GRID2: variants seen among roughly 807,000 people sequenced by gnomAD.
GRID2 encodes glutamate ionotropic receptor delta type subunit 2.
In GRID2, 33 loss-of-function variants were observed where a neutral mutation model predicts 114.8. That is an observed-to-expected ratio of 0.29 (90% CI 0.22 to 0.38). The LOEUF (loss-of-function observed/expected upper bound fraction) is 0.38. Ranked by LOEUF, GRID2 falls within the 10% of genes least tolerant of loss-of-function variation. GRID2 has a pLI of 1.00. For synonymous variants in GRID2, 505 were observed against 449.9 expected, an observed-to-expected ratio of 1.12 and a Z score of -1.55; for missense variants, 1,184 against 1,257.7, an observed-to-expected ratio of 0.94 and a Z score of 0.89.
chr4:93,803,538 A>G (rs1734974844), intron 1 of GRID2, among the ~76,000 whole-genome samples: 1 of 152,092 alleles, frequency 6.6e-6, no homozygotes, highest in Non-Finnish European at 1.5e-5. Context: ...CCTGGCCAAC[A>G]TAGTGAAACC....
At position 93,125,411 on chromosome 4, in the gene GRID2, AAAT is replaced by A. The variant is rs560636424; in HGVS notation, c.735+14463_735+14465del. Among the ~76,000 whole-genome samples the A allele has an allele frequency of 2.4e-3, 366 of 152,066 alleles. 3 individuals carry two copies. The highest frequency in any genetic ancestry group is 8.5e-3 in the African/African-American group (353 of 41,542). On this transcript the variant is annotated intron_variant, in intron 4 of 15. Coordinates refer to ENST00000282020, the MANE Select transcript of GRID2 (RefSeq NM_001510.4). ...ATACATAATATTTATATATGTTATA[AAAT>A]AATATCTGCTATTCAGTATTTTATT...
chr4:92,411,651 G>GTATATATATATATATA lies in GRID2; in HGVS notation c.88+106908_88+106909insATATATATATATATAT, dbSNP rs1365702947. Among the ~76,000 whole-genome samples the GTATATATATATATATA allele has an allele frequency of 3.0e-3, 292 of 96,056 alleles. 2 individuals are homozygous for GTATATATATATATATA. Among genetic ancestry groups the GTATATATATATATATA allele is most frequent in the Non-Finnish European group, 4.1e-3 (200 of 48,982 alleles). 63.0% of individuals were successfully genotyped at this position (96,056 alleles called of 152,430 possible). On this transcript the variant is annotated intron_variant, in intron 1 of 15. Coordinates refer to ENST00000282020, the MANE Select transcript of GRID2 (RefSeq NM_001510.4). The stretch of plus-strand genomic sequence containing the variant: ...TGTGTGTGTGTGTGTGTGTGTGTGT[G>GTATATATATATATATA]TGTGTATATATATATATATATATAT...
chr4:92,612,298 C>T (rs1485180792), intron 2 of GRID2, among the ~76,000 whole-genome samples: 3 of 151,452 alleles, frequency 2.0e-5, no homozygotes, highest in African/African-American at 4.8e-5. Flanking sequence ...TTTCAGAATA[C>T]TCGTGTCTTC....
At chr4:93,363,196 G>T (rs748184482) in intron 8 of GRID2, among the ~76,000 whole-genome samples, 8 of 152,122 alleles carry the variant, frequency 5.3e-5, no homozygotes, top group African/African-American at 1.9e-4. Context: ...CAGCCTGGAC[G>T]ACAGAGTGAG....
intron 2 of GRID2, among the ~76,000 whole-genome samples, chr4:92,627,777 G>A (rs1730596952): frequency 6.6e-6 from 1 of 152,064 alleles, no homozygotes; most frequent in Non-Finnish European, 1.5e-5. Flanking sequence ...TTTTAGGTTT[G>A]CCTGCATTAT....
At chr4:92,780,027 CAACTT>C (rs1304443080) in intron 2 of GRID2, among the ~76,000 whole-genome samples, 2 of 152,096 alleles carry the variant, frequency 1.3e-5, no homozygotes, top group African/African-American at 4.8e-5. Context: ...GAAAAAATAT[CAACTT>C]AATTACTGAG....
intron 13 of GRID2, among the ~76,000 whole-genome samples, chr4:93,575,132 G>A (rs1736293012): frequency 6.6e-6 from 1 of 152,050 alleles, no homozygotes; most frequent in East Asian, 1.9e-4. Context: ...ATGTTTTATT[G>A]GCCAGAGCAA....
At chr4:92,912,002 A>G (rs1748420620) in intron 2 of GRID2, among the ~76,000 whole-genome samples, 1 of 151,804 alleles carries the variant, frequency 6.6e-6, no homozygotes, top group African/African-American at 2.4e-5. Context: ...TTATTGGCCC[A>G]TATTTTATAT....
chr4:92,637,569 T>C (rs1424467524), intron 2 of GRID2, among the ~76,000 whole-genome samples: 4 of 152,078 alleles, frequency 2.6e-5, no homozygotes, highest in Non-Finnish European at 5.9e-5. Context: ...TGTGAATTTC[T>C]AATAAGACTA....
intron 1 of GRID2, among the ~76,000 whole-genome samples, chr4:92,338,815 A>G (rs965494152): frequency 6.6e-6 from 1 of 152,160 alleles, no homozygotes; most frequent in African/African-American, 2.4e-5. Flanking sequence ...ATCTTAAATT[A>G]TAATCTTGAC....
At chr4:92,548,401 A>ATTTTTTTTTTTTTTTTTTTTTTTCTTTT (rs61653263) in intron 1 of GRID2, among the ~76,000 whole-genome samples, 1 of 60,808 alleles carries the variant, frequency 1.6e-5, no homozygotes, top group African/African-American at 8.5e-5. Flanking sequence ...AGACTGTGTA[A>ATTTTTTTTTTTTTTTTTTTTTTTCTTTT]TTTTTTTTTT....
intron 13 of GRID2, among the ~76,000 whole-genome samples, chr4:93,576,946 T>A (rs1736483203): frequency 6.6e-6 from 1 of 152,146 alleles, no homozygotes; most frequent in African/African-American, 2.4e-5. Flanking sequence ...TGAACAAATA[T>A]TGTTTCTGTT....
intron 14 of GRID2, among the ~76,000 whole-genome samples, chr4:93,666,945 G>T (rs1724000524): frequency 6.6e-6 from 1 of 152,074 alleles, no homozygotes; most frequent in South Asian, 2.1e-4. Flanking sequence ...CAAATTTCAG[G>T]TTGGTATCGG....
At chr4:93,804,197 A>G (rs1429480120) in intron 1 of GRID2, among the ~76,000 whole-genome samples, 3 of 152,214 alleles carry the variant, frequency 2.0e-5, no homozygotes, top group Non-Finnish European at 2.9e-5. Context: ...ACTATCACAG[A>G]CAACAGACAA....
At chr4:92,466,428 C>A (rs1350664030) in intron 1 of GRID2, among the ~76,000 whole-genome samples, 1 of 151,770 alleles carries the variant, frequency 6.6e-6, no homozygotes, top group African/African-American at 2.4e-5. Context: ...ATCTCTACGT[C>A]CATGACTTCA....
intron 4 of GRID2, among the ~76,000 whole-genome samples, chr4:93,151,120 C>CAA (rs3078717): frequency 0.44 from 45,068 of 101,986 alleles, 9,024 homozygotes; most frequent in Middle Eastern, 0.54. Context: ...TAAGACTCCT[C>CAA]AAAAAAAAAA....
intron 1 of GRID2, among the ~76,000 whole-genome samples, chr4:92,391,055 G>T (rs1730217445): frequency 6.6e-6 from 1 of 152,192 alleles, no homozygotes; most frequent in Non-Finnish European, 1.5e-5. Flanking sequence ...AATAGCCAAA[G>T]AAGTATTCAT....
intron 13 of GRID2, among the ~76,000 whole-genome samples, chr4:93,596,703 A>G (rs899006261): frequency 1.1e-4 from 16 of 152,258 alleles, no homozygotes; most frequent in East Asian, 3.8e-4. Flanking sequence ...AGCATTAACA[A>G]TGCTCAATGT....
intron 1 of GRID2, among the ~76,000 whole-genome samples, chr4:92,580,547 C>T (rs1728131027): frequency 6.6e-6 from 1 of 151,808 alleles, no homozygotes; most frequent in African/African-American, 2.4e-5. Flanking sequence ...TTTTTCATCT[C>T]AAAGTAGAGT....
Sources: gnomAD v4.1 joint callset for allele counts (sites outside exome capture counted in the v4.1 genomes callset) on GRCh38, gnomAD v4.1.1 for gene constraint, MANE v1.5 for transcripts, NCBI Gene and HGNC (gene_info 2026-07-23, HGNC 2026-07-21) for gene names.